The following CAPN3 variants were observed in gnomAD, a reference collection of about 807,000 sequenced individuals.
CAPN3 encodes the protein calpain 3.
A neutral mutation model predicts 114.0 loss-of-function variants in CAPN3; 88 were observed. The ratio of observed to expected loss-of-function variants is 0.77; its 90% CI spans 0.65 to 0.92. The LOEUF (loss-of-function observed/expected upper bound fraction) is 0.92, where lower values mean the gene tolerates loss of function less well. CAPN3 is among the 40% of genes least tolerant of loss of function. The pLI is 0.00. For missense variants in CAPN3, 1,028 were observed against 1,069.0 expected (o/e 0.96, Z 0.53); for synonymous variants, 386 against 382.9 (o/e 1.01, Z -0.09).
chr15:42,411,315 A>G lies in CAPN3; in HGVS notation c.2409A>G (p.Gly803=), dbSNP rs143139259. The G allele has an allele frequency of 2.5e-4, 396 of 1,614,024 alleles. 1 individual carries two copies. The highest frequency in any genetic ancestry group is 3.8e-5 in the Non-Finnish European group (45 of 1,180,004). ...CTTTTCATGCATTTGACAAGGATGG[A>G]GATGGTATCATCAAGCTCAACGTTC... ...FRAFHAFDKD[G]DGIIKLNVLE... The change falls in exon 23 of 24, where the codon GGA becomes GGG. Residue 803 remains glycine, a synonymous_variant. Transcript: ENST00000397163.
At chr15:42,376,301 G>A (rs999848457) in intron 1 of CAPN3, among the ~76,000 whole-genome samples, 2 of 152,178 alleles carry the variant, frequency 1.3e-5, no homozygotes, top group Admixed American at 6.5e-5. Context: ...ATTGTGCTCT[G>A]CCCTCTTGAG....
intron 3 of CAPN3, 21 bp from the exon 4 acceptor site, chr15:42,387,730 CTG>C (rs1395064953): frequency 6.2e-7 from 1 of 1,614,116 alleles, no homozygotes; most frequent in South Asian, 1.1e-5. Flanking sequence ...GTATGTGACT[CTG>C]TGCGTGACGC....
chr15:42,389,765 A>G (rs1422814950), intron 5 of CAPN3, among the ~76,000 whole-genome samples, 188 bp from the exon 6 acceptor site: 1 of 152,158 alleles, frequency 6.6e-6, no homozygotes, highest in African/African-American at 2.4e-5. Flanking sequence ...CAGTTAGCAC[A>G]CAACACCATG....
chr15:42,398,014 CTG>C (rs1452187150), intron 9 of CAPN3, among the ~76,000 whole-genome samples: 1 of 151,900 alleles, frequency 6.6e-6, no homozygotes, highest in African/African-American at 2.4e-5. Context: ...GAGCAAGACA[CTG>C]TCTTAAAAAA....
Position 42,402,398 on chromosome 15 carries a change from C to A in CAPN3, c.1536+263C>A, listed in dbSNP as rs28364493. ...ATGCCTTTGCACACTCACCCTCCTC[C>A]ACGCTTACAGCCACACACACAGTCA... is the stretch of plus-strand genomic sequence containing the variant. On this transcript the variant is annotated intron_variant, in intron 12 of 23. Transcript: ENST00000397163. 3.9e-3 allele frequency: 5,624 copies of A among 1,444,522 alleles called. 206 individuals are homozygous for A. In the African/African-American group the frequency reaches 0.072, roughly 18 times the overall value. 89.5% of individuals were successfully genotyped at this position (1,444,522 alleles called of 1,614,324 possible).
intron 1 of CAPN3, among the ~76,000 whole-genome samples, chr15:42,381,969 C>T (rs1419991528): frequency 6.6e-6 from 1 of 152,112 alleles, no homozygotes; most frequent in Non-Finnish European, 1.5e-5. Flanking sequence ...CTCGTGGGAA[C>T]AATATTCCCT....
chr15:42,392,407 T>C (rs1202545637), intron 6 of CAPN3, among the ~76,000 whole-genome samples: 2 of 152,088 alleles, frequency 1.3e-5, no homozygotes, highest in African/African-American at 4.8e-5. Context: ...CATTGCTCTC[T>C]GATGGTCAGG....
intron 9 of CAPN3, among the ~76,000 whole-genome samples, chr15:42,397,644 G>GAA (rs552359920): frequency 8.1e-5 from 11 of 135,610 alleles, no homozygotes; most frequent in African/African-American, 1.9e-4. Context: ...CTCTGTCTTG[G>GAA]AAAAAAAAAA....
In CAPN3 at chr15:42,409,335, G is replaced by A. The variant is rs79440238; in HGVS notation, c.1947G>A (p.Glu649=). ...PQPGSSDQES[E]EQQQFRNIFK... Reference sequence around the variant, plus strand: ...CTGGCAGCTCTGATCAGGAAAGTGAGGAACAGCAACAATTCCGGAACATTT... The same window carrying A: ...CTGGCAGCTCTGATCAGGAAAGTGAAGAACAGCAACAATTCCGGAACATTT... The change falls in exon 17 of 24, where the codon GAG becomes GAA. Residue 649 remains glutamate, a synonymous_variant. Coordinates refer to ENST00000397163, the MANE Select transcript of CAPN3 (RefSeq NM_000070.3). 185 of 1,614,180 alleles carry A rather than the reference G, an allele frequency of 1.1e-4. 2 individuals are homozygous for A. In the East Asian group the frequency reaches 4.1e-3, roughly 36 times the overall value.
At chr15:42,401,847 AC>A in intron 11 of CAPN3, 37 bp downstream of exon 11, 3 of 1,596,190 alleles carry the variant, frequency 1.9e-6, no homozygotes, top group Middle Eastern at 1.7e-4. Flanking sequence ...CAGGAAACAT[AC>A]TTTCCCAGGG....
intron 14 of CAPN3, 107 bp from the exon 15 acceptor site, chr15:42,405,819 C>T: frequency 1.2e-6 from 1 of 840,764 alleles, no homozygotes; most frequent in East Asian, 2.4e-5. Flanking sequence ...ACCCTGGAGC[C>T]CCACCCCAAG....
At chr15:42,385,541 G>A (rs79429038) in intron 2 of CAPN3, 57,114 of 390,926 alleles carry the variant, frequency 0.15, 2,752 homozygotes, top group South Asian at 0.22. Context: ...CAGAGAGAGA[G>A]AGAGAGAGAG....
At chr15:42,387,620 C>G in intron 3 of CAPN3, 133 bp from the exon 4 acceptor site, 4 of 1,126,120 alleles carry the variant, frequency 3.6e-6, no homozygotes, top group Non-Finnish European at 5.4e-6. Context: ...ATAGGATGAA[C>G]AGGCACCCAG....
chr15:42,408,390 T>C (rs746092526), intron 16 of CAPN3, 66 bp downstream of exon 16: 1 of 978,588 alleles, frequency 1.0e-6, no homozygotes, highest in South Asian at 1.3e-5. Flanking sequence ...GCGCTTGGGA[T>C]ACACAGGGGC....
At chr15:42,371,816 T>C (rs1216200482) in intron 1 of CAPN3, among the ~76,000 whole-genome samples, 1 of 151,934 alleles carries the variant, frequency 6.6e-6, no homozygotes, top group Non-Finnish European at 1.5e-5. Flanking sequence ...ATACAAAAAT[T>C]AGCTGGACAT....
intron 12 of CAPN3, chr15:42,402,341 C>G (rs918260626): frequency 4.0e-6 from 6 of 1,486,882 alleles, no homozygotes; most frequent in East Asian, 2.5e-5. Flanking sequence ...TGTGCACTTT[C>G]TCCCTCGCAC....
chr15:42,399,128 C>G (rs2053792166), intron 9 of CAPN3, among the ~76,000 whole-genome samples: 1 of 152,152 alleles, frequency 6.6e-6, no homozygotes, highest in South Asian at 2.1e-4. Context: ...ATTTTTGTAT[C>G]CATTAGCCAC....
chr15:42,409,883 G>GGGGCCCCCCCCCCCCCCC, intron 18 of CAPN3, 39 bp downstream of exon 18: 1 of 559,598 alleles, frequency 1.8e-6, no homozygotes, highest in Non-Finnish European at 3.5e-6. Context: ...GGTGGGTGGG[G>GGGGCCCCCCCCCCCCCCC]AGTCCCGTTG....
In CAPN3 at chr15:42,402,470, A is replaced by G. The variant is rs1029745596; in HGVS notation, c.1537-324A>G. On this transcript the variant is annotated intron_variant, in intron 12 of 23. Transcript: ENST00000397163. ...GCTGCCCGCTTGGGATGGAGGAATC[A>G]CTTCCCTCAGAACCCAGCCAAGTCC... is the stretch of plus-strand genomic sequence containing the variant. The G allele has an allele frequency of 5.6e-6, 8 of 1,426,294 alleles. No homozygotes were observed. In the African/African-American group the frequency reaches 7.2e-5, roughly 13 times the overall value. The allele number at this position is 1,426,294 out of a possible 1,614,324, so 88.4% of individuals were successfully genotyped here.
Sources: allele counts gnomAD v4.1 joint callset (sites outside exome capture counted in the v4.1 genomes callset), GRCh38; gene constraint gnomAD v4.1.1; transcripts MANE v1.5; gene names NCBI Gene and HGNC (gene_info 2026-07-23, HGNC 2026-07-21).